Variants in DST observed in about 807,000 individuals in gnomAD.
DST encodes dystonin.
Under a neutral mutation model 875.2 loss-of-function variants are expected in DST, and 253 were observed. The ratio of observed to expected loss-of-function variants is 0.29; its 90% confidence interval spans 0.26 to 0.32. The LOEUF is 0.32. Ranked by LOEUF, DST falls within the 10% of genes least tolerant of loss-of-function variation. DST has a pLI of 1.00. For missense variants in DST, 8,287 were observed against 9,111.6 expected (o/e 0.91, Z 3.68); for synonymous variants, 3,124 against 3,197.1 (o/e 0.98, Z 0.77).
At chr6:56,877,516 G>A (rs546331587) in intron 3 of DST, among the ~76,000 whole-genome samples, 7 of 152,280 alleles carry the variant, frequency 4.6e-5, no homozygotes, top group African/African-American at 1.2e-4. Flanking sequence ...AGATTGTGCC[G>A]CTGTACTCCA....
rs1165747729 is a variant in DST at position 56,459,279 on chromosome 6, A to C, written c.23195-12T>G. 2 of 1,608,772 alleles carry C rather than the reference A, an allele frequency of 1.2e-6. No homozygotes were observed. The highest frequency in any genetic ancestry group is 1.7e-6 in the Non-Finnish European group (2 of 1,176,972). On this transcript the variant is annotated splice_polypyrimidine_tract_variant and intron_variant, in intron 103 of 103. Transcript: ENST00000680361. ...AGTCTTCTTGGAATCTGAGGAAAGA[A>C]GGTAGAGACAGCTCACCCTTATTAT...
rs1213070390 is a variant in DST, at chr6:56,463,622, C to T, written c.22902G>A (p.Val7634=). The T allele has an allele frequency of 2.5e-6, 4 of 1,612,752 alleles. No individual in the cohort carries two copies. Among genetic ancestry groups the T allele is most frequent in the Middle Eastern group, 3.3e-4 (2 of 6,084 alleles). ...RGASPNRSTS[V]SSQAAQAASP... is the part of the protein sequence containing the mutation. ...AGGCCGCCTGCGCAGCCTGACTGGA[C>T]ACAGAAGTGGATCTGTTGGGTGAAG... is the stretch of plus-strand genomic sequence containing the variant. The change falls in exon 101 of 104, where the codon GTG becomes GTA. Residue 7634 remains valine (V), a synonymous_variant. Transcript: ENST00000680361.
rs188955831 is a variant in DST at position 56,779,005 on chromosome 6, G to A, written c.626-43716C>T. ...ATGAGTTTACAGTCCCACCAATAGC[G>A]TAAAAGTGTTCCTATTTCTCCACAT... On this transcript the variant is annotated intron_variant, in intron 4 of 103. Transcript: ENST00000680361. 9.9e-5 allele frequency among the ~76,000 whole-genome samples: 15 copies of A among 152,160 alleles called. 1 individual carries two copies. Among genetic ancestry groups the A allele is most frequent in the Admixed American group, 5.2e-4 (8 of 15,298 alleles).
At chr6:56,702,932 A>G (rs2099316285) in intron 7 of DST, among the ~76,000 whole-genome samples, 1 of 152,202 alleles carries the variant, frequency 6.6e-6, no homozygotes, top group South Asian at 2.1e-4. Flanking sequence ...CTGCATAACA[A>G]GTAGAAACGA....
chr6:56,512,685 T>C (rs1327860525), intron 72 of DST, among the ~76,000 whole-genome samples: 1 of 152,230 alleles, frequency 6.6e-6, no homozygotes, highest in Non-Finnish European at 1.5e-5. Flanking sequence ...TTATTGAAAG[T>C]GTCTACTAAA....
intron 3 of DST, among the ~76,000 whole-genome samples, chr6:56,875,310 A>G (rs1779190827): frequency 6.6e-6 from 1 of 152,204 alleles, no homozygotes; most frequent in South Asian, 2.1e-4. Flanking sequence ...AGATGCTCAC[A>G]GGGCCCTGAG....
intron 54 of DST, among the ~76,000 whole-genome samples, chr6:56,569,274 A>G (rs912377829): frequency 5.3e-5 from 8 of 150,336 alleles, no homozygotes; most frequent in East Asian, 2.0e-4. Flanking sequence ...GCAGTGAGCC[A>G]AGATCACACC....
At chr6:56,672,672 G>T (rs780931412) in intron 9 of DST, among the ~76,000 whole-genome samples, 1 of 151,998 alleles carries the variant, frequency 6.6e-6, no homozygotes, top group Non-Finnish European at 1.5e-5. Flanking sequence ...TCCCTTACTT[G>T]TAAAATGATG....
chr6:56,683,717 T>G lies in DST; in HGVS notation c.1048-12910A>C, dbSNP rs2099167529. Among the ~76,000 whole-genome samples, 4 of 152,344 alleles carry G rather than the reference T, an allele frequency of 2.6e-5. No homozygotes were observed. The South Asian group carries it at 8.3e-4, about 32-fold the overall frequency. On this transcript the variant is annotated intron_variant, in intron 9 of 103. Coordinates refer to ENST00000680361, the MANE Select transcript of DST (RefSeq NM_001374736.1). ...GTCTCCTGCTTTCATTTTGTATGAATGAGTTTTAACCCTGCCATGTAAACT... is the reference window on the plus strand; with the variant it reads ...GTCTCCTGCTTTCATTTTGTATGAAGGAGTTTTAACCCTGCCATGTAAACT...
At chr6:56,483,961 A>G (rs1212401062) in intron 88 of DST, 1 of 152,164 alleles carries the variant, frequency 6.6e-6, no homozygotes, top group East Asian at 1.9e-4. Context: ...TACAGTATCT[A>G]AATATCCCAT....
chr6:56,748,940 G>A (rs1386109165), intron 4 of DST, among the ~76,000 whole-genome samples: 1 of 152,124 alleles, frequency 6.6e-6, no homozygotes, highest in African/African-American at 2.4e-5. Context: ...AAAATAAAAT[G>A]TCCTTGGCTG....
rs745355549 is a variant in DST, at chr6:56,553,272, G to T, written c.15520C>A (p.Gln5174Lys). 1 of 1,613,636 alleles carries T rather than the reference G, an allele frequency of 6.2e-7. No homozygotes were observed. The highest frequency in any genetic ancestry group is 1.1e-5 in the South Asian group (1 of 91,076). ...SLEKALKYKE[Q>K]VETLWPWIDK... is the part of the protein sequence containing the mutation. ...ATCCATGGCCAGAGAGTCTCTACTT[G>T]CTCTTTATACTTAAGGGCTTTTTCC... The change falls in exon 61 of 104, where the codon CAA becomes AAA. Residue 5174 changes from glutamine (Q) to lysine (K), a missense_variant. Physicochemically the swap from Gln to Lys is moderately conservative, Grantham distance 53. Around this residue, in one of 10 missense-constraint regions of DST, gnomAD observed 1,513 missense variants for 1,677.8 expected, o/e 0.90. Transcript: ENST00000680361.
intron 4 of DST, among the ~76,000 whole-genome samples, chr6:56,758,540 G>T (rs183364386): frequency 7.2e-5 from 11 of 152,186 alleles, no homozygotes; most frequent in African/African-American, 2.7e-4. Context: ...CAGGTACAAG[G>T]GGGGCAGGTT....
chr6:56,839,464 G>A (rs534361642), intron 4 of DST, among the ~76,000 whole-genome samples: 2 of 152,292 alleles, frequency 1.3e-5, no homozygotes, highest in East Asian at 1.9e-4. Flanking sequence ...ATATTATCAT[G>A]ATGCAGCACA....
chr6:56,704,166 T>G, intron 6 of DST, 114 bp downstream of exon 6: 1 of 510,910 alleles, frequency 2.0e-6, no homozygotes, highest in South Asian at 4.3e-5. Context: ...GCAGAATTCA[T>G]AGCTCAAAAG....
chr6:56,636,344 ATGTGTATATATATGTG>A (rs1042520545), intron 23 of DST, among the ~76,000 whole-genome samples, 197 bp downstream of exon 23: 3 of 150,358 alleles, frequency 2.0e-5, no homozygotes, highest in East Asian at 1.9e-4. Flanking sequence ...ATGTATATGT[ATGTGTATATATATGTG>A]TGTGTATATA....
Position 56,501,501 on chromosome 6 carries a change from GA to G in DST, c.19740+18del. 2.1e-6 allele frequency: 3 copies of G among 1,459,216 alleles called. No homozygotes were observed. The highest frequency in any genetic ancestry group is 2.7e-6 in the Non-Finnish European group (3 of 1,104,770). 90.4% of individuals were successfully genotyped at this position (1,459,216 alleles called of 1,614,324 possible). A position where few individuals can be genotyped will look rare whatever the true frequency, so the allele number is the denominator to read the frequency against. ...AAATTGAAAATTTATAATTTCTTAA[GA>G]AAAGTCTTGGTATTTACCTGTCTGT... On this transcript the variant is annotated intron_variant, in intron 79 of 103. Transcript: ENST00000680361.
rs1206246376 is a variant in DST at position 56,517,638 on chromosome 6, A to G, written c.18130-18T>C. 1.2e-6 allele frequency: 2 copies of G among 1,609,112 alleles called. No homozygotes were observed. The highest frequency in any genetic ancestry group is 2.2e-5 in the South Asian group (2 of 90,230). The stretch of plus-strand genomic sequence containing the variant: ...TGGTCAAACTAAACAAAAGATAAAT[A>G]ATTAGGTCAGCACGTTCCCGTTCCT... On this transcript the variant is annotated intron_variant, in intron 69 of 103. Transcript: ENST00000680361.
intron 3 of DST, among the ~76,000 whole-genome samples, chr6:56,891,819 G>T (rs144476091): frequency 2.0e-5 from 3 of 151,934 alleles, no homozygotes; most frequent in African/African-American, 7.3e-5. Flanking sequence ...GCAAGACTCC[G>T]TCTCAAAAAA....
Sources: gnomAD v4.1 joint callset for allele counts (sites outside exome capture counted in the v4.1 genomes callset) on GRCh38, gnomAD v4.1.1 for gene constraint, gnomAD v4.1.1 regional missense constraint, MANE v1.5 for transcripts, NCBI Gene and HGNC (gene_info 2026-07-23, HGNC 2026-07-21) for gene names.